Variants in SEMA5A observed in about 807,000 individuals in gnomAD.
SEMA5A encodes the protein semaphorin-5A.
A neutral mutation model predicts 135.5 loss-of-function variants in SEMA5A; 55 were observed. The observed-to-expected ratio is 0.41, with a 90% CI of 0.33 to 0.51. SEMA5A has a LOEUF of 0.51. SEMA5A is among the 20% of genes least tolerant of loss of function. SEMA5A has a pLI of 0.37. For synonymous variants in SEMA5A, 580 were observed against 546.5 expected, an observed-to-expected ratio of 1.06 and a Z score of -0.85; for missense variants, 1,290 against 1,419.9, an observed-to-expected ratio of 0.91 and a Z score of 1.47.
chr5:9,070,564 A>G (rs1737719127), intron 16 of SEMA5A, among the ~76,000 whole-genome samples: 1 of 152,190 alleles, frequency 6.6e-6, no homozygotes, highest in Non-Finnish European at 1.5e-5. Flanking sequence ...TATGGAGATG[A>G]AGTTTAATTT....
chr5:9,165,969 A>G (rs1481964592), intron 11 of SEMA5A, among the ~76,000 whole-genome samples: 2 of 152,148 alleles, frequency 1.3e-5, no homozygotes, highest in African/African-American at 4.8e-5. Flanking sequence ...GAATTCAGAG[A>G]AGAAAAAAAG....
intron 5 of SEMA5A, among the ~76,000 whole-genome samples, chr5:9,247,640 C>G (rs976420324): frequency 6.6e-6 from 1 of 152,136 alleles, no homozygotes; most frequent in African/African-American, 2.4e-5. Flanking sequence ...CTATCAAAGT[C>G]AACAAAGATT....
intron 2 of SEMA5A, among the ~76,000 whole-genome samples, chr5:9,410,194 G>GA (rs145483056): frequency 0.09 from 13,584 of 151,622 alleles, 677 homozygotes; most frequent in Non-Finnish European, 0.11. Flanking sequence ...TAATAACTGG[G>GA]AAAAAAATCA....
At chr5:9,381,942 TTG>T (rs148157627) in intron 2 of SEMA5A, among the ~76,000 whole-genome samples, 39 of 109,378 alleles carry the variant, frequency 3.6e-4, no homozygotes, top group African/African-American at 7.1e-4. Flanking sequence ...TAGAATCATT[TTG>T]TGTGTGTGTG....
At chr5:9,280,434 C>G (rs949049753) in intron 5 of SEMA5A, among the ~76,000 whole-genome samples, 5 of 152,198 alleles carry the variant, frequency 3.3e-5, no homozygotes, top group Non-Finnish European at 7.3e-5. Flanking sequence ...GGACACAGGA[C>G]TTGGCCCAGG....
intron 16 of SEMA5A, among the ~76,000 whole-genome samples, chr5:9,081,948 T>G (rs1738410965): frequency 6.6e-6 from 1 of 152,082 alleles, no homozygotes; most frequent in Non-Finnish European, 1.5e-5. Context: ...TACTAATGAG[T>G]GCTACAGGAA....
At chr5:9,320,259 C>G (rs943258707) in intron 4 of SEMA5A, among the ~76,000 whole-genome samples, 2 of 152,202 alleles carry the variant, frequency 1.3e-5, no homozygotes, top group Non-Finnish European at 2.9e-5. Flanking sequence ...GCACATGCCA[C>G]CTCCATCACA....
chr5:9,203,723 C>T (rs937531139), intron 8 of SEMA5A, among the ~76,000 whole-genome samples: 1 of 152,000 alleles, frequency 6.6e-6, no homozygotes, highest in African/African-American at 2.4e-5. Flanking sequence ...GTTGTTAAGT[C>T]ATTGAAGTAT....
chr5:9,171,474 C>T (rs1048142692), intron 11 of SEMA5A, among the ~76,000 whole-genome samples: 1 of 152,110 alleles, frequency 6.6e-6, no homozygotes, highest in Non-Finnish European at 1.5e-5. Flanking sequence ...GACTCATGGT[C>T]GAGACGACAA....
chr5:9,339,520 T>C lies in SEMA5A; in HGVS notation c.125-1708A>G, dbSNP rs554651436. Among the ~76,000 whole-genome samples the C allele has an allele frequency of 2.0e-4, 30 of 152,106 alleles. No individual in the cohort carries two copies. The South Asian group carries it at 5.4e-3, about 27-fold the overall frequency. ...TGCATGCAGCATACAAAACAGCACA[T>C]TGAATGCGATAGGAAATAATAAATA... is the stretch of plus-strand genomic sequence containing the variant. On this transcript the variant is annotated intron_variant, in intron 3 of 22. Coordinates refer to ENST00000382496, the MANE Select transcript of SEMA5A (RefSeq NM_003966.3).
intron 1 of SEMA5A, among the ~76,000 whole-genome samples, chr5:9,512,619 CA>C (rs1736272158): frequency 6.6e-6 from 1 of 152,006 alleles, no homozygotes; most frequent in Non-Finnish European, 1.5e-5. Context: ...CATTAATGTT[CA>C]ATTCTGCTGC....
intron 1 of SEMA5A, among the ~76,000 whole-genome samples, chr5:9,544,813 G>T (rs1738291711): frequency 6.6e-6 from 1 of 152,214 alleles, no homozygotes; most frequent in Non-Finnish European, 1.5e-5. Flanking sequence ...ACCGGCCGCC[G>T]CGGGGAGCGA....
At chr5:9,293,828 C>A (rs1004099733) in intron 5 of SEMA5A, among the ~76,000 whole-genome samples, 2 of 152,058 alleles carry the variant, frequency 1.3e-5, no homozygotes, top group Non-Finnish European at 2.9e-5. Context: ...TGGGTAGGTA[C>A]TTTTTGCAAA....
At chr5:9,363,149 A>G (rs371184322) in intron 3 of SEMA5A, 10 of 152,316 alleles carry the variant, frequency 6.6e-5, no homozygotes, top group Non-Finnish European at 2.9e-5. Context: ...TTGTGTGGTT[A>G]TGTGGCCAGA....
rs1561177769 is a variant in SEMA5A, at chr5:9,353,319, G to GAAATGAAAGGAAAGGAAAGGGAAGGA, written c.125-15508_125-15507insTCCTTCCCTTTCCTTTCCTTTCATTT. Among the ~76,000 whole-genome samples the GAAATGAAAGGAAAGGAAAGGGAAGGA allele has an allele frequency of 6.6e-3, 271 of 40,872 alleles. 3 individuals are homozygous for GAAATGAAAGGAAAGGAAAGGGAAGGA. Among genetic ancestry groups the GAAATGAAAGGAAAGGAAAGGGAAGGA allele is most frequent in the East Asian group, 0.018 (22 of 1,212 alleles). The allele number at this position is 40,872 out of a possible 152,430, so 26.8% of individuals were successfully genotyped here. On this transcript the variant is annotated intron_variant, in intron 3 of 22. Coordinates refer to ENST00000382496, the MANE Select transcript of SEMA5A (RefSeq NM_003966.3). ...GAAGGGAAGGGAAGGGAAGGGAAAG[G>GAAATGAAAGGAAAGGAAAGGGAAGGA]AAGGAAAGGAAAGGAAATGAAAGGA...
At position 9,066,487 on chromosome 5, in the gene SEMA5A, C is replaced by T; in HGVS notation, c.2233G>A (p.Val745Met). The T allele has an allele frequency of 6.2e-7, 1 of 1,614,228 alleles. No homozygotes were observed. The highest frequency in any genetic ancestry group is 1.3e-5 in the African/African-American group (1 of 75,052). The change falls in exon 17 of 23, where the codon GTG (valine) becomes ATG (methionine). Residue 745 changes from valine to methionine, a missense_variant. By Grantham distance (21) the Val-to-Met change is conservative. Coordinates refer to ENST00000382496, the MANE Select transcript of SEMA5A (RefSeq NM_003966.3). Reference protein sequence around the residue: ...ARLADPNLLEVGRQRIEMRYC... With the variant: ...ARLADPNLLEMGRQRIEMRYC... Reference sequence around the variant, plus strand: ...CGCATTTCGATTCTCTGTCTTCCCACTTCCAGCAAATTCGGATCAGCCAGG... The same window carrying T: ...CGCATTTCGATTCTCTGTCTTCCCATTTCCAGCAAATTCGGATCAGCCAGG...
chr5:9,137,193 T>C (rs568345800), intron 12 of SEMA5A, among the ~76,000 whole-genome samples: 5 of 152,326 alleles, frequency 3.3e-5, no homozygotes, highest in Non-Finnish European at 5.9e-5. Flanking sequence ...AACATGCAGA[T>C]ACATCCAAAA....
intron 12 of SEMA5A, among the ~76,000 whole-genome samples, chr5:9,140,182 T>C (rs972706360): frequency 6.6e-6 from 1 of 152,216 alleles, no homozygotes; most frequent in African/African-American, 2.4e-5. Context: ...TGATTCCCAA[T>C]AATGTACTAT....
At chr5:9,507,882 T>C (rs901293330) in intron 1 of SEMA5A, among the ~76,000 whole-genome samples, 3 of 151,914 alleles carry the variant, frequency 2.0e-5, no homozygotes, top group African/African-American at 7.3e-5. Flanking sequence ...CGGGCGCCTG[T>C]AGTCCCAGCT....
Sources: allele counts gnomAD v4.1 joint callset (sites outside exome capture counted in the v4.1 genomes callset), GRCh38; gene constraint gnomAD v4.1.1; transcripts MANE v1.5; gene names NCBI Gene and HGNC (gene_info 2026-07-23, HGNC 2026-07-21).